Variants in PHACTR1 observed in about 807,000 individuals in gnomAD.
The protein encoded by PHACTR1 is phosphatase and actin regulator 1.
PHACTR1 carries 16 observed loss-of-function variants against 69.2 expected under a neutral mutation model. The observed-to-expected ratio is 0.23, with a 90% CI of 0.16 to 0.35. The LOEUF is 0.35. PHACTR1 is among the 10% of genes least tolerant of loss of function. The pLI, the probability that PHACTR1 is intolerant of heterozygous loss-of-function variation, is 1.00. For missense variants in PHACTR1, 510 were observed against 734.7 expected (o/e 0.69, Z 3.54); for synonymous variants, 312 against 284.5 (o/e 1.10, Z -0.97).
Position 13,092,684 on chromosome 6 carries a change from C to T in PHACTR1, c.415+39155C>T, listed in dbSNP as rs528045770. Among the ~76,000 whole-genome samples the T allele has an allele frequency of 2.6e-4, 39 of 152,228 alleles. No individual in the cohort carries two copies. The East Asian group carries it at 3.5e-3, about 14-fold the overall frequency. ...CCTACAACTACTCAGTCCCATCTGG[C>T]GGTGATGGGAGACAGTGAGGAAATG... On this transcript the variant is annotated intron_variant, in intron 5 of 14. Coordinates refer to ENST00000332995, the MANE Select transcript of PHACTR1 (RefSeq NM_030948.6).
chr6:12,912,564 C>A (rs535978023), intron 4 of PHACTR1, among the ~76,000 whole-genome samples: 1 of 152,256 alleles, frequency 6.6e-6, no homozygotes, highest in African/African-American at 2.4e-5. Context: ...GGCCTGTTTC[C>A]CCCATGCCTT....
intron 4 of PHACTR1, among the ~76,000 whole-genome samples, chr6:12,893,481 T>C (rs927860850): frequency 1.3e-5 from 2 of 152,240 alleles, no homozygotes; most frequent in African/African-American, 4.8e-5. Context: ...GTTTTAGATA[T>C]ATGCAAGATG....
Position 12,815,166 on chromosome 6 carries a change from A to C in PHACTR1, c.250+65376A>C, listed in dbSNP as rs1046888362. ...CCACACTGTTTGCAGTTTTGGAAAA[A>C]ATTTTAACAACCTGTAGATAACTGC... On this transcript the variant is annotated intron_variant, in intron 4 of 14. Transcript: ENST00000332995. Among the ~76,000 whole-genome samples the C allele has an allele frequency of 8.5e-5, 13 of 152,318 alleles. No individual in the cohort carries two copies. The East Asian group carries it at 2.5e-3, about 29-fold the overall frequency.
chr6:13,183,743 A>G (rs1466444711), intron 7 of PHACTR1, among the ~76,000 whole-genome samples: 4 of 152,184 alleles, frequency 2.6e-5, no homozygotes, highest in East Asian at 1.9e-4. Context: ...GGGTTTCCCA[A>G]TGAAAGCAGT....
intron 4 of PHACTR1, among the ~76,000 whole-genome samples, chr6:12,807,104 A>T (rs1009428650): frequency 6.6e-6 from 1 of 152,184 alleles, no homozygotes; most frequent in Admixed American, 6.5e-5. Flanking sequence ...AAAGATCCTG[A>T]TTCTGAAAGA....
intron 4 of PHACTR1, among the ~76,000 whole-genome samples, chr6:13,022,569 T>C (rs1055232709): frequency 6.6e-6 from 1 of 152,104 alleles, no homozygotes; most frequent in African/African-American, 2.4e-5. Flanking sequence ...GCACACTGTC[T>C]ATGGCACCTT....
intron 4 of PHACTR1, among the ~76,000 whole-genome samples, chr6:12,833,004 T>A (rs1386314000): frequency 6.6e-6 from 1 of 152,118 alleles, no homozygotes; most frequent in Non-Finnish European, 1.5e-5. Flanking sequence ...GTTCCAAATT[T>A]GGTGAGGTAG....
chr6:13,272,790 G>A (rs760222992), intron 10 of PHACTR1, 70 bp from the exon 11 acceptor site: 2 of 1,613,964 alleles, frequency 1.2e-6, no homozygotes, highest in East Asian at 2.2e-5. Context: ...TATCTGCAAG[G>A]GCCGAGGAAA....
intron 3 of PHACTR1, among the ~76,000 whole-genome samples, chr6:12,740,631 C>A (rs1328454459): frequency 6.6e-6 from 1 of 152,070 alleles, no homozygotes; most frequent in Non-Finnish European, 1.5e-5. Flanking sequence ...TTTACATATT[C>A]TGGTTATAAG....
At chr6:12,917,069 CTG>C (rs1275037126) in intron 4 of PHACTR1, among the ~76,000 whole-genome samples, 1 of 152,238 alleles carries the variant, frequency 6.6e-6, no homozygotes, top group Admixed American at 6.5e-5. Context: ...GTGATTATAA[CTG>C]TGGCTTCCAA....
intron 5 of PHACTR1, among the ~76,000 whole-genome samples, chr6:13,111,055 A>G (rs1490121916): frequency 1.3e-5 from 2 of 152,202 alleles, no homozygotes; most frequent in South Asian, 2.1e-4. Flanking sequence ...AAGAATCCCC[A>G]CAATTCAAAT....
intron 7 of PHACTR1, among the ~76,000 whole-genome samples, chr6:13,196,145 C>T (rs115006897): frequency 6.6e-6 from 1 of 152,188 alleles, no homozygotes. Flanking sequence ...CAGGAGCAGC[C>T]ACCATCATCA....
At chr6:12,821,449 T>G (rs1163458009) in intron 4 of PHACTR1, among the ~76,000 whole-genome samples, 1 of 115,894 alleles carries the variant, frequency 8.6e-6, no homozygotes, top group African/African-American at 3.5e-5. Flanking sequence ...GGTGACAGAG[T>G]GAGATTTCAC....
intron 4 of PHACTR1, among the ~76,000 whole-genome samples, chr6:12,792,186 C>T (rs776298210): frequency 3.9e-5 from 6 of 151,994 alleles, no homozygotes; most frequent in South Asian, 2.1e-4. Context: ...GAAAATGGGC[C>T]GGGCGCGGTG....
At chr6:13,015,506 G>C (rs1800051550) in intron 4 of PHACTR1, among the ~76,000 whole-genome samples, 1 of 152,214 alleles carries the variant, frequency 6.6e-6, no homozygotes, top group South Asian at 2.1e-4. Flanking sequence ...CCCAAAGCCA[G>C]ACCTTTCCCA....
intron 4 of PHACTR1, among the ~76,000 whole-genome samples, chr6:12,948,653 C>G (rs1281406997): frequency 6.6e-6 from 1 of 152,164 alleles, no homozygotes; most frequent in Non-Finnish European, 1.5e-5. Context: ...CCTGACCCTG[C>G]CCGATTCCGG....
intron 5 of PHACTR1, among the ~76,000 whole-genome samples, chr6:13,110,547 C>T (rs1013751808): frequency 7.4e-4 from 112 of 152,104 alleles, no homozygotes; most frequent in Non-Finnish European, 1.4e-3. Context: ...TGCTCCGTGC[C>T]GCTTTCTCCT....
rs895984152 is a variant in PHACTR1 at position 12,777,248 on chromosome 6, T to A, written c.250+27458T>A. On this transcript the variant is annotated intron_variant, in intron 4 of 14. Transcript: ENST00000332995. ...ATATATATATATATATATATTTTTT[T>A]AATTTTTATTTTAGGTTCAGGGGTA... is the stretch of plus-strand genomic sequence containing the variant. 3.8e-4 allele frequency among the ~76,000 whole-genome samples: 57 copies of A among 150,046 alleles called. No homozygotes were observed. In the East Asian group the frequency reaches 4.6e-3, roughly 12 times the overall value.
At position 13,111,440 on chromosome 6, in the gene PHACTR1, G is replaced by A. The variant is rs1817016425; in HGVS notation, c.416-48764G>A. ...AATTCTGTCAAGTTAAAATATGTAT[G>A]TGTTTTATAATATCAAATAGTAGAG... On this transcript the variant is annotated intron_variant, in intron 5 of 14. Transcript: ENST00000332995. 2.0e-5 allele frequency among the ~76,000 whole-genome samples: 3 copies of A among 152,250 alleles called. No individual in the cohort carries two copies. In the South Asian group the frequency reaches 6.2e-4, roughly 32 times the overall value.
Sources: gnomAD v4.1 joint callset for allele counts (sites outside exome capture counted in the v4.1 genomes callset) on GRCh38, gnomAD v4.1.1 for gene constraint, MANE v1.5 for transcripts, NCBI Gene and HGNC (gene_info 2026-07-23, HGNC 2026-07-21) for gene names.